ROBO1: variants seen among roughly 807,000 people sequenced by gnomAD.
The protein encoded by ROBO1 is roundabout homolog 1.
Under a neutral mutation model 195.9 loss-of-function variants are expected in ROBO1, and 149 were observed. That is an observed-to-expected ratio of 0.76 (90% CI 0.67 to 0.87). The LOEUF is 0.87. Ranked by LOEUF, ROBO1 falls within the 40% of genes least tolerant of loss-of-function variation. ROBO1 has a pLI of 0.00. For synonymous variants in ROBO1, 816 were observed against 733.2 expected, an observed-to-expected ratio of 1.11 and a Z score of -1.82; for missense variants, 1,933 against 2,068.3, an observed-to-expected ratio of 0.93 and a Z score of 1.27.
chr3:78,640,230 G>A (rs1355458585), intron 21 of ROBO1, among the ~76,000 whole-genome samples: 1 of 151,954 alleles, frequency 6.6e-6, no homozygotes, highest in Non-Finnish European at 1.5e-5. Context: ...TCTTTTAGTG[G>A]TTTAAAAAAA....
chr3:78,901,571 A>T (rs187038538), intron 4 of ROBO1, among the ~76,000 whole-genome samples: 11 of 152,286 alleles, frequency 7.2e-5, no homozygotes, highest in Non-Finnish European at 1.5e-4. Flanking sequence ...TGCTCTTTTA[A>T]ATTGTCAGAA....
At chr3:79,233,068 A>T (rs2082348320) in intron 2 of ROBO1, among the ~76,000 whole-genome samples, 1 of 152,150 alleles carries the variant, frequency 6.6e-6, no homozygotes, top group Admixed American at 6.5e-5. Flanking sequence ...AAAAGAATGT[A>T]ATAAAACAAA....
chr3:79,354,500 A>C (rs952541204), intron 2 of ROBO1, among the ~76,000 whole-genome samples: 1 of 152,140 alleles, frequency 6.6e-6, no homozygotes, highest in African/African-American at 2.4e-5. Context: ...GGAGAATTTC[A>C]ACCCTGTGTC....
At chr3:79,225,325 T>C (rs2082207893) in intron 2 of ROBO1, among the ~76,000 whole-genome samples, 1 of 152,162 alleles carries the variant, frequency 6.6e-6, no homozygotes, top group South Asian at 2.1e-4. Flanking sequence ...ATGTTAGTCT[T>C]ACTTAGATGA....
At chr3:78,906,619 A>G (rs986246599) in intron 4 of ROBO1, among the ~76,000 whole-genome samples, 1 of 152,142 alleles carries the variant, frequency 6.6e-6, no homozygotes, top group Non-Finnish European at 1.5e-5. Context: ...AACATTAAAC[A>G]TTCTGATACT....
intron 2 of ROBO1, among the ~76,000 whole-genome samples, chr3:79,441,242 A>G (rs560560490): frequency 6.6e-6 from 1 of 152,272 alleles, no homozygotes; most frequent in Non-Finnish European, 1.5e-5. Context: ...ACATAGTAAA[A>G]TGGTATTCAA....
At chr3:78,865,714 T>A (rs927300040) in intron 4 of ROBO1, among the ~76,000 whole-genome samples, 21 of 152,178 alleles carry the variant, frequency 1.4e-4, no homozygotes, top group African/African-American at 5.1e-4. Context: ...CTCGTGATCC[T>A]CCTGCCTTGG....
At chr3:79,707,558 G>C (rs1296402207) in intron 1 of ROBO1, among the ~76,000 whole-genome samples, 1 of 152,134 alleles carries the variant, frequency 6.6e-6, no homozygotes, top group African/African-American at 2.4e-5. Flanking sequence ...GCCCAGGCTA[G>C]AGTGCAGTGG....
chr3:78,774,532 G>A (rs756296611), intron 4 of ROBO1, among the ~76,000 whole-genome samples: 6 of 151,702 alleles, frequency 4.0e-5, no homozygotes, highest in Non-Finnish European at 8.8e-5. Context: ...GGATGGTCTC[G>A]ATCTCCTGAC....
chr3:78,749,374 A>C (rs2108296790), intron 4 of ROBO1, among the ~76,000 whole-genome samples: 1 of 152,278 alleles, frequency 6.6e-6, no homozygotes, highest in Admixed American at 6.5e-5. Flanking sequence ...AGTTTTTCTT[A>C]AATATTTACT....
chr3:79,536,743 A>T (rs1288051322), intron 2 of ROBO1, among the ~76,000 whole-genome samples: 4 of 152,180 alleles, frequency 2.6e-5, no homozygotes, highest in Non-Finnish European at 2.9e-5. Flanking sequence ...ATCTGAAGAC[A>T]CTTAAAATTC....
chr3:78,776,184 A>G lies in ROBO1; in HGVS notation c.500-29284T>C, dbSNP rs575857480. Among the ~76,000 whole-genome samples the G allele has an allele frequency of 3.9e-5, 6 of 152,324 alleles. No homozygotes were observed. In the South Asian group the frequency reaches 1.2e-3, roughly 32 times the overall value. On this transcript the variant is annotated intron_variant, in intron 4 of 30. Coordinates refer to ENST00000464233, the MANE Select transcript of ROBO1 (RefSeq NM_002941.4). ...TAGACACTCAATAAGTACTGTTCAAAGAATGACTAACTGAATGAACCTCAA... is the reference window on the plus strand; with the variant it reads ...TAGACACTCAATAAGTACTGTTCAAGGAATGACTAACTGAATGAACCTCAA...
chr3:79,420,854 C>T (rs2038194699), intron 2 of ROBO1, among the ~76,000 whole-genome samples: 1 of 152,076 alleles, frequency 6.6e-6, no homozygotes, highest in South Asian at 2.1e-4. Context: ...TACCATTTGA[C>T]CCAGAAATCT....
chr3:78,771,100 G>T (rs1339453597), intron 4 of ROBO1, among the ~76,000 whole-genome samples: 2 of 151,986 alleles, frequency 1.3e-5, no homozygotes, highest in Non-Finnish European at 2.9e-5. Flanking sequence ...CCTTGAGTTA[G>T]TTTTTGAATA....
At chr3:79,159,611 G>A (rs2080919739) in intron 2 of ROBO1, among the ~76,000 whole-genome samples, 1 of 152,084 alleles carries the variant, frequency 6.6e-6, no homozygotes, top group South Asian at 2.1e-4. Context: ...ATAATTGATT[G>A]AGTCTCCAAT....
intron 3 of ROBO1, among the ~76,000 whole-genome samples, chr3:79,089,070 T>A (rs990131402): frequency 1.3e-5 from 2 of 152,260 alleles, no homozygotes; most frequent in Admixed American, 1.3e-4. Flanking sequence ...ATACTTAGTT[T>A]CTTTCATAAA....
intron 2 of ROBO1, among the ~76,000 whole-genome samples, chr3:79,196,976 C>T (rs1376478609): frequency 6.6e-6 from 1 of 151,594 alleles, no homozygotes; most frequent in Non-Finnish European, 1.5e-5. Flanking sequence ...AGTGGTGTGA[C>T]TACCTACATA....
At chr3:79,480,095 C>T (rs1938757507) in intron 2 of ROBO1, among the ~76,000 whole-genome samples, 1 of 152,160 alleles carries the variant, frequency 6.6e-6, no homozygotes, top group African/African-American at 2.4e-5. Flanking sequence ...AAAATTACAA[C>T]TGATCTTCAT....
intron 8 of ROBO1, among the ~76,000 whole-genome samples, chr3:78,691,760 C>T (rs2081181071): frequency 6.6e-6 from 1 of 152,114 alleles, no homozygotes; most frequent in Non-Finnish European, 1.5e-5. Context: ...TGAAAATTAA[C>T]ATCTTTGCCA....
Sources: gnomAD v4.1 joint callset for allele counts (sites outside exome capture counted in the v4.1 genomes callset) on GRCh38, gnomAD v4.1.1 for gene constraint, MANE v1.5 for transcripts, NCBI Gene and HGNC (gene_info 2026-07-23, HGNC 2026-07-21) for gene names.